ADIPOR2: variants seen among roughly 807,000 people sequenced by gnomAD.
The protein encoded by ADIPOR2 is adiponectin receptor 2.
Under a neutral mutation model 40.9 loss-of-function variants are expected in ADIPOR2, and 18 were observed. The ratio of observed to expected loss-of-function variants is 0.44; its 90% CI spans 0.30 to 0.65. The LOEUF (loss-of-function observed/expected upper bound fraction) is 0.65, where lower values mean the gene tolerates loss of function less well. ADIPOR2 is among the 30% of genes least tolerant of loss of function. The pLI, the probability that ADIPOR2 is intolerant of heterozygous loss-of-function variation, is 0.09. For synonymous variants in ADIPOR2, 165 were observed against 166.4 expected (o/e 0.99, Z 0.06); for missense variants, 283 against 479.2 (o/e 0.59, Z 3.82).
rs995931942 is a variant in ADIPOR2, at chr12:1,787,040, T to A, written c.*968T>A. 6.6e-6 allele frequency: 1 copy of A among 152,186 alleles called. No homozygotes were observed. The highest frequency in any genetic ancestry group is 2.4e-5 in the African/African-American group (1 of 41,418). The allele number at this position is 152,186 out of a possible 1,614,324, so 9.4% of individuals were successfully genotyped here. On this transcript the variant is annotated 3_prime_UTR_variant, in exon 8 of 8. Coordinates refer to ENST00000357103, the MANE Select transcript of ADIPOR2 (RefSeq NM_024551.3). ...TTACTTCCTGGCATCCCGCTCACTT[T>A]TATGGGAAGTCTTATTAGAGGGATG...
At chr12:1,723,602 T>G (rs2094702117) in intron 1 of ADIPOR2, among the ~76,000 whole-genome samples, 1 of 151,912 alleles carries the variant, frequency 6.6e-6, no homozygotes, top group African/African-American at 2.4e-5. Context: ...ATCGTGTCAC[T>G]GCATTCCAGT....
intron 2 of ADIPOR2, among the ~76,000 whole-genome samples, chr12:1,772,477 TTA>T (rs1160396747): frequency 2.6e-5 from 4 of 152,194 alleles, no homozygotes; most frequent in African/African-American, 9.6e-5. Context: ...GTTAGTTATT[TTA>T]TGTGTCCCAG....
intron 1 of ADIPOR2, chr12:1,731,032 A>G (rs1483375795): frequency 1.3e-5 from 2 of 152,224 alleles, no homozygotes; most frequent in African/African-American, 4.8e-5. Flanking sequence ...AGCTAACAAT[A>G]AAACATACAT....
At chr12:1,772,574 A>G (rs1467774760) in intron 2 of ADIPOR2, 1 of 264,054 alleles carries the variant, frequency 3.8e-6, no homozygotes, top group Non-Finnish European at 7.0e-6. Flanking sequence ...TTTTTAAAAA[A>G]CAAACCAGTA....
At chr12:1,748,346 T>C (rs1485279194) in intron 1 of ADIPOR2, among the ~76,000 whole-genome samples, 3 of 152,106 alleles carry the variant, frequency 2.0e-5, no homozygotes, top group Non-Finnish European at 4.4e-5. Context: ...CCTCCCGGGT[T>C]CACGCCATTC....
chr12:1,756,930 C>T (rs990810490), intron 2 of ADIPOR2, among the ~76,000 whole-genome samples: 10 of 151,860 alleles, frequency 6.6e-5, no homozygotes, highest in Non-Finnish European at 1.2e-4. Flanking sequence ...GAGGGAAGAG[C>T]GGGTTTAAGG....
At chr12:1,709,671 TCAA>T (rs997236310) in intron 1 of ADIPOR2, among the ~76,000 whole-genome samples, 11 of 152,310 alleles carry the variant, frequency 7.2e-5, no homozygotes, top group African/African-American at 2.4e-4. Context: ...TAGAGATCAT[TCAA>T]CAGATGAGAG....
rs183156941 is a variant in ADIPOR2, at chr12:1,759,168, C to T, written c.171+4654C>T. Among the ~76,000 whole-genome samples the T allele has an allele frequency of 1.2e-4, 19 of 152,314 alleles. No individual in the cohort carries two copies. In the East Asian group the frequency reaches 3.7e-3, roughly 29 times the overall value. On this transcript the variant is annotated intron_variant, in intron 2 of 7. Transcript: ENST00000357103. ...TTGCAGACCTCGTTTTCTGTTAGGC[C>T]AGGGTAATTTTGCTTCTCAGATGTG...
At chr12:1,753,859 T>C (rs1305690494) in intron 1 of ADIPOR2, among the ~76,000 whole-genome samples, 1 of 152,152 alleles carries the variant, frequency 6.6e-6, no homozygotes, top group African/African-American at 2.4e-5. Context: ...TTTTTTAAAT[T>C]AAACAAGTAA....
intron 1 of ADIPOR2, among the ~76,000 whole-genome samples, chr12:1,691,518 C>G (rs756032127): frequency 6.6e-6 from 1 of 152,232 alleles, no homozygotes; most frequent in African/African-American, 2.4e-5. Context: ...TGCTCACCTT[C>G]GGGTGCAGTT....
intron 7 of ADIPOR2, 137 bp from the exon 8 acceptor site, chr12:1,785,807 C>T (rs150246066): frequency 0.013 from 15,678 of 1,199,948 alleles, 142 homozygotes; most frequent in Non-Finnish European, 0.016. Context: ...CTGTGGACGC[C>T]TTGAATTTGA....
chr12:1,710,390 G>A lies in ADIPOR2; in HGVS notation c.-87+19199G>A, dbSNP rs1422541680. 7.9e-5 allele frequency among the ~76,000 whole-genome samples: 12 copies of A among 151,992 alleles called. No individual in the cohort carries two copies. The East Asian group carries it at 1.5e-3, about 20-fold the overall frequency. On this transcript the variant is annotated intron_variant, in intron 1 of 7. Coordinates refer to ENST00000357103, the MANE Select transcript of ADIPOR2 (RefSeq NM_024551.3). ...CTGCGGCTTCATTCTTGAAGTTAGC[G>A]AGACCACGAGCCCACTGGAAGGAAC...
chr12:1,712,780 C>T (rs569243597), intron 1 of ADIPOR2, among the ~76,000 whole-genome samples: 16 of 152,196 alleles, frequency 1.1e-4, no homozygotes, highest in African/African-American at 2.7e-4. Context: ...AAGGAACCCC[C>T]GCAACTGTTT....
At chr12:1,780,698 A>T (rs1862697551) in intron 5 of ADIPOR2, 61 bp downstream of exon 5, 15 of 1,454,754 alleles carry the variant, frequency 1.0e-5, no homozygotes, top group Non-Finnish European at 1.4e-5. Flanking sequence ...TTAGGGAAAA[A>T]CATTCAGCAG....
At chr12:1,738,792 A>G (rs1036002635) in intron 1 of ADIPOR2, among the ~76,000 whole-genome samples, 2 of 152,016 alleles carry the variant, frequency 1.3e-5, no homozygotes, top group Non-Finnish European at 2.9e-5. Flanking sequence ...CATTTTGGAT[A>G]TTTTTCTCTG....
chr12:1,779,370 G>T (rs1862667562), intron 4 of ADIPOR2, among the ~76,000 whole-genome samples: 1 of 152,216 alleles, frequency 6.6e-6, no homozygotes, highest in Admixed American at 6.5e-5. Flanking sequence ...ACATGCCACA[G>T]CATGGGTGAG....
chr12:1,712,378 A>G (rs1310110531), intron 1 of ADIPOR2, among the ~76,000 whole-genome samples: 2 of 152,084 alleles, frequency 1.3e-5, no homozygotes, highest in African/African-American at 4.8e-5. Context: ...CTAGTGTGCC[A>G]TTTACATCAT....
intron 1 of ADIPOR2, among the ~76,000 whole-genome samples, chr12:1,701,737 A>G (rs2094650600): frequency 6.6e-6 from 1 of 152,194 alleles, no homozygotes; most frequent in South Asian, 2.1e-4. Flanking sequence ...GATTGTTTCC[A>G]GGTTTTCATG....
At chr12:1,716,688 G>A (rs1400086282) in intron 1 of ADIPOR2, among the ~76,000 whole-genome samples, 1 of 152,192 alleles carries the variant, frequency 6.6e-6, no homozygotes, top group African/African-American at 2.4e-5. Flanking sequence ...GCCAAATACA[G>A]TACTGCACCT....
Sources: gnomAD v4.1 joint callset for allele counts (sites outside exome capture counted in the v4.1 genomes callset) on GRCh38, gnomAD v4.1.1 for gene constraint, MANE v1.5 for transcripts, NCBI Gene and HGNC (gene_info 2026-07-23, HGNC 2026-07-21) for gene names.